SEMA6D: variants seen among roughly 807,000 people sequenced by gnomAD.
SEMA6D encodes semaphorin 6D, also known as semaphorin-6D.
Under a neutral mutation model 106.6 loss-of-function variants are expected in SEMA6D, and 35 were observed. The ratio of observed to expected loss-of-function variants is 0.33; its 90% CI spans 0.25 to 0.44. The LOEUF (loss-of-function observed/expected upper bound fraction) is 0.44. Ranked by LOEUF, SEMA6D falls within the 20% of genes least tolerant of loss-of-function variation. The pLI, the probability that SEMA6D is intolerant of heterozygous loss-of-function variation, is 1.00. For synonymous variants in SEMA6D, 499 were observed against 487.7 expected, an observed-to-expected ratio of 1.02 and a Z score of -0.31; for missense variants, 1,185 against 1,345.9, an observed-to-expected ratio of 0.88 and a Z score of 1.87.
chr15:47,266,719 C>T (rs1277236904), intron 1 of SEMA6D, among the ~76,000 whole-genome samples: 1 of 152,000 alleles, frequency 6.6e-6, no homozygotes, highest in Admixed American at 6.6e-5. Context: ...TCTGCCCCTC[C>T]CAGGAAGATA....
At chr15:47,576,977 G>A (rs1369012730) in intron 3 of SEMA6D, among the ~76,000 whole-genome samples, 1 of 152,196 alleles carries the variant, frequency 6.6e-6, no homozygotes, top group African/African-American at 2.4e-5. Flanking sequence ...CACATGGAAT[G>A]CTTGCTATTA....
At chr15:47,579,598 TG>T (rs778885783) in intron 3 of SEMA6D, among the ~76,000 whole-genome samples, 25 of 152,228 alleles carry the variant, frequency 1.6e-4, no homozygotes, top group Non-Finnish European at 2.9e-4. Context: ...TGCATCATTT[TG>T]CTTGTATTAA....
At chr15:47,370,670 C>T (rs1365836128) in intron 1 of SEMA6D, among the ~76,000 whole-genome samples, 4 of 127,498 alleles carry the variant, frequency 3.1e-5, no homozygotes, top group Admixed American at 9.2e-5. Context: ...CATGGTAAAG[C>T]GCCGTCTCTA....
At chr15:47,293,274 C>T (rs552726579) in intron 1 of SEMA6D, among the ~76,000 whole-genome samples, 2 of 152,296 alleles carry the variant, frequency 1.3e-5, no homozygotes, top group African/African-American at 4.8e-5. Context: ...AGAGAGCATC[C>T]TGCTCCAGTG....
intron 2 of SEMA6D, among the ~76,000 whole-genome samples, chr15:47,450,095 A>G (rs2042142984): frequency 6.6e-6 from 1 of 152,134 alleles, no homozygotes; most frequent in Admixed American, 6.5e-5. Context: ...GAAGTGAAGT[A>G]AACAGAATGA....
At chr15:47,394,397 G>GTACA (rs1316847585) in intron 1 of SEMA6D, among the ~76,000 whole-genome samples, 1 of 152,168 alleles carries the variant, frequency 6.6e-6, no homozygotes, top group African/African-American at 2.4e-5. Context: ...TTAATACTTA[G>GTACA]TACAACTTTG....
chr15:47,465,180 T>C (rs1239730935), intron 2 of SEMA6D, among the ~76,000 whole-genome samples: 1 of 152,190 alleles, frequency 6.6e-6, no homozygotes, highest in Non-Finnish European at 1.5e-5. Flanking sequence ...ACACAGCAGG[T>C]AGTCAGTAGA....
intron 2 of SEMA6D, among the ~76,000 whole-genome samples, chr15:47,434,256 CT>C (rs1347164064): frequency 4.6e-5 from 7 of 151,984 alleles, no homozygotes; most frequent in African/African-American, 1.7e-4. Flanking sequence ...GTGATAAATA[CT>C]GAAAAAACGG....
At chr15:47,236,166 C>T (rs1002671508) in intron 1 of SEMA6D, among the ~76,000 whole-genome samples, 2 of 152,034 alleles carry the variant, frequency 1.3e-5, no homozygotes, top group Non-Finnish European at 2.9e-5. Flanking sequence ...ATAGTTTTGG[C>T]CAGATTTTTA....
chr15:47,761,277 C>A, intron 5 of SEMA6D, 53 bp from the exon 6 acceptor site: 4 of 1,609,284 alleles, frequency 2.5e-6, no homozygotes, highest in Non-Finnish European at 3.4e-6. Context: ...CTTGATACCA[C>A]AGTGCCAGCA....
chr15:47,441,659 C>G (rs1196973427), intron 2 of SEMA6D, among the ~76,000 whole-genome samples: 3 of 152,072 alleles, frequency 2.0e-5, no homozygotes, highest in Non-Finnish European at 4.4e-5. Context: ...TTCCAATATA[C>G]TGAAATGTTT....
chr15:47,678,076 C>T (rs1244091251), intron 4 of SEMA6D, among the ~76,000 whole-genome samples: 1 of 152,072 alleles, frequency 6.6e-6, no homozygotes, highest in Non-Finnish European at 1.5e-5. Context: ...ATTCACTAGC[C>T]TAAGGTTTTA....
intron 1 of SEMA6D, among the ~76,000 whole-genome samples, chr15:47,740,630 A>C (rs543260254): frequency 6.6e-6 from 1 of 152,314 alleles, no homozygotes; most frequent in African/African-American, 2.4e-5. Flanking sequence ...CAAGATACTT[A>C]AAAGAAGGGT....
chr15:47,567,735 C>A (rs1044434343), intron 3 of SEMA6D, among the ~76,000 whole-genome samples: 2 of 152,064 alleles, frequency 1.3e-5, no homozygotes, highest in East Asian at 3.9e-4. Flanking sequence ...TTTGTCTTCC[C>A]GCACTGAAGT....
chr15:47,557,761 G>A (rs925171517), intron 3 of SEMA6D, among the ~76,000 whole-genome samples: 4 of 152,150 alleles, frequency 2.6e-5, no homozygotes, highest in African/African-American at 9.7e-5. Context: ...ATACATTGAA[G>A]TATATTAACA....
intron 4 of SEMA6D, among the ~76,000 whole-genome samples, chr15:47,693,263 G>A (rs2078627576): frequency 6.6e-6 from 1 of 152,084 alleles, no homozygotes; most frequent in African/African-American, 2.4e-5. Context: ...CCAAGGGAGA[G>A]CCCTGGAACA....
chr15:47,506,234 C>T lies in SEMA6D; in HGVS notation c.-87+35689C>T, dbSNP rs537404273. Among the ~76,000 whole-genome samples, 4 of 152,206 alleles carry T rather than the reference C, an allele frequency of 2.6e-5. No individual in the cohort carries two copies. In the East Asian group the frequency reaches 5.8e-4, roughly 22 times the overall value. On this transcript the variant is annotated intron_variant, in intron 3 of 19. Transcript: ENST00000558014. The stretch of plus-strand genomic sequence containing the variant: ...AAACATCACACAAGGCCAATTTTAT[C>T]CCTGTGCTTCAAAAATGCTTAGCAT...
intron 4 of SEMA6D, chr15:47,603,431 TG>T (rs1408391626): frequency 6.6e-6 from 1 of 152,040 alleles, no homozygotes; most frequent in African/African-American, 2.4e-5. Flanking sequence ...CTCACTGAAG[TG>T]TGGGAGCGGA....
intron 18 of SEMA6D, 91 bp from the exon 19 acceptor site, chr15:47,770,406 G>T: frequency 9.3e-7 from 1 of 1,072,158 alleles, no homozygotes; most frequent in Non-Finnish European, 1.4e-6. Flanking sequence ...TGAACCATAT[G>T]AAGGTCGTGT....
Sources: allele counts gnomAD v4.1 joint callset (sites outside exome capture counted in the v4.1 genomes callset), GRCh38; gene constraint gnomAD v4.1.1; transcripts MANE v1.5; gene names NCBI Gene and HGNC (gene_info 2026-07-23, HGNC 2026-07-21).